The following DCLK1 variants were observed in gnomAD, a reference collection of about 807,000 sequenced individuals.
The protein encoded by DCLK1 is doublecortin like kinase 1.
A neutral mutation model predicts 86.2 loss-of-function variants in DCLK1; 16 were observed. The ratio of observed to expected loss-of-function variants is 0.19; its 90% CI spans 0.13 to 0.28. DCLK1 has a LOEUF of 0.28. DCLK1 is among the 10% of genes least tolerant of loss of function. The pLI, the probability that DCLK1 is intolerant of heterozygous loss-of-function variation, is 1.00. For synonymous variants in DCLK1, 369 were observed against 370.5 expected (o/e 1.00, Z 0.05); for missense variants, 590 against 940.2 (o/e 0.63, Z 4.87).
intron 3 of DCLK1, among the ~76,000 whole-genome samples, chr13:36,077,122 T>C (rs1020716489): frequency 1.2e-4 from 18 of 152,166 alleles, no homozygotes; most frequent in African/African-American, 4.3e-4. Flanking sequence ...GCTTCTCAAC[T>C]ACCCAGTGGG....
intron 2 of DCLK1, among the ~76,000 whole-genome samples, chr13:36,119,897 G>T (rs529033418): frequency 1.3e-5 from 2 of 152,280 alleles, no homozygotes; most frequent in South Asian, 2.1e-4. Context: ...TCTTAGTTTT[G>T]TTCATTGCAC....
chr13:35,885,089 T>C (rs1013189899), intron 4 of DCLK1, among the ~76,000 whole-genome samples: 1 of 152,136 alleles, frequency 6.6e-6, no homozygotes. Flanking sequence ...CATACCCTTG[T>C]CCAGGTGTTC....
intron 10 of DCLK1, 72 bp from the exon 11 acceptor site, chr13:35,822,947 A>G: frequency 2.1e-5 from 33 of 1,550,102 alleles, no homozygotes; most frequent in Non-Finnish European, 2.7e-5. Context: ...GAGGCCATTG[A>G]CAAACCCCAA....
chr13:35,821,291 G>T (rs2087389145), intron 11 of DCLK1, among the ~76,000 whole-genome samples: 1 of 152,184 alleles, frequency 6.6e-6, no homozygotes, highest in African/African-American at 2.4e-5. Context: ...CATCATGGCG[G>T]ATCTTACTAG....
At chr13:35,846,572 T>C in intron 6 of DCLK1, 1 of 985,348 alleles carries the variant, frequency 1.0e-6, no homozygotes, top group African/African-American at 1.7e-5. Context: ...TTCCTCTTTT[T>C]TCCACATGCA....
intron 3 of DCLK1, among the ~76,000 whole-genome samples, chr13:35,949,750 T>C (rs1290247976): frequency 6.6e-6 from 1 of 151,652 alleles, no homozygotes; most frequent in South Asian, 2.1e-4. Context: ...CCAATGCTCT[T>C]CCATCAGTTT....
At chr13:35,904,456 T>C (rs1482251540) in intron 4 of DCLK1, among the ~76,000 whole-genome samples, 1 of 152,194 alleles carries the variant, frequency 6.6e-6, no homozygotes, top group East Asian at 1.9e-4. Context: ...CCTCCCAAAG[T>C]GCTGAGATTA....
chr13:36,044,317 A>G (rs1278351738), intron 3 of DCLK1, among the ~76,000 whole-genome samples: 2 of 152,194 alleles, frequency 1.3e-5, no homozygotes, highest in Non-Finnish European at 2.9e-5. Flanking sequence ...ATATTGCTTT[A>G]TAACAATGCA....
At chr13:35,903,313 T>C (rs963176225) in intron 4 of DCLK1, among the ~76,000 whole-genome samples, 2 of 152,150 alleles carry the variant, frequency 1.3e-5, no homozygotes, top group African/African-American at 2.4e-5. Flanking sequence ...TGTCTGGCCA[T>C]AAGAGGAGGC....
intron 4 of DCLK1, among the ~76,000 whole-genome samples, chr13:35,878,497 C>T (rs985762055): frequency 2.6e-5 from 4 of 151,974 alleles, no homozygotes; most frequent in Admixed American, 1.3e-4. Context: ...CTCTAAAATA[C>T]AGCTTTTAAA....
chr13:35,787,437 C>T (rs915679839), intron 16 of DCLK1, among the ~76,000 whole-genome samples: 1 of 152,006 alleles, frequency 6.6e-6, no homozygotes, highest in Non-Finnish European at 1.5e-5. Context: ...GAGACACAAA[C>T]AATGCCCCTT....
rs139201699 is a variant in DCLK1 at position 35,899,437 on chromosome 13, G to A, written c.824-28097C>T. 2.0e-3 allele frequency among the ~76,000 whole-genome samples: 310 copies of A among 151,506 alleles called. 2 individuals are homozygous for A. The highest frequency in any genetic ancestry group is 7.2e-3 in the African/African-American group (299 of 41,280). On this transcript the variant is annotated intron_variant, in intron 4 of 16. Coordinates refer to ENST00000360631, the MANE Select transcript of DCLK1 (RefSeq NM_001330071.2). ...TAAAGTGTACATTGTACTATACAAG[G>A]GAGGCTATCAGCCATGACACTGATT...
intron 3 of DCLK1, among the ~76,000 whole-genome samples, chr13:36,070,680 T>C (rs536385162): frequency 6.6e-6 from 1 of 152,228 alleles, no homozygotes; most frequent in East Asian, 1.9e-4. Context: ...CGCTCTTTGT[T>C]GCCCAGGCTG....
chr13:35,781,947 TTC>T (rs1283895217), intron 16 of DCLK1, among the ~76,000 whole-genome samples: 7 of 152,118 alleles, frequency 4.6e-5, no homozygotes, highest in Non-Finnish European at 8.8e-5. Context: ...CTTATTGCAG[TTC>T]TGTTTTGTTT....
chr13:35,958,303 TAAA>T (rs1878248700), intron 3 of DCLK1, among the ~76,000 whole-genome samples: 1 of 22 alleles, frequency 0.045, no homozygotes, highest in Non-Finnish European at 0.17. Context: ...ACCACTATAA[TAAA>T]CACCACTACC....
chr13:36,130,880 A>G (rs959947428), intron 1 of DCLK1, among the ~76,000 whole-genome samples: 1 of 152,188 alleles, frequency 6.6e-6, no homozygotes, highest in African/African-American at 2.4e-5. Context: ...GGCACCAAAC[A>G]AAAGAGGCAG....
chr13:36,127,418 C>T (rs571476232), intron 1 of DCLK1, among the ~76,000 whole-genome samples: 4 of 152,152 alleles, frequency 2.6e-5, no homozygotes, highest in African/African-American at 4.8e-5. Flanking sequence ...GAAATTGAGG[C>T]TTAAAGATGT....
chr13:35,976,526 T>TTTTTTTTTG (rs1879344010), intron 3 of DCLK1, among the ~76,000 whole-genome samples: 3 of 3,150 alleles, frequency 9.5e-4, no homozygotes, highest in Non-Finnish European at 2.0e-3. Context: ...TTCTCCGAGG[T>TTTTTTTTTG]TTTTTTTTTT....
At chr13:35,880,265 T>C (rs1256458577) in intron 4 of DCLK1, among the ~76,000 whole-genome samples, 1 of 152,212 alleles carries the variant, frequency 6.6e-6, no homozygotes, top group African/African-American at 2.4e-5. Flanking sequence ...CTTGGTTTCT[T>C]AGCTGAGAGT....
Sources: allele counts gnomAD v4.1 joint callset (sites outside exome capture counted in the v4.1 genomes callset), GRCh38; gene constraint gnomAD v4.1.1; transcripts MANE v1.5; gene names NCBI Gene and HGNC (gene_info 2026-07-23, HGNC 2026-07-21).